The following ARSI variants were observed in gnomAD, a reference collection of about 807,000 sequenced individuals.
The protein encoded by ARSI is arylsulfatase family member I.
Under a neutral mutation model 42.1 loss-of-function variants are expected in ARSI, and 37 were observed. The ratio of observed to expected loss-of-function variants is 0.88; its 90% CI spans 0.68 to 1.16. The LOEUF is 1.16. Among genes scored for constraint, ARSI ranks in the 50% most tolerant of loss-of-function variants. The probability of loss-of-function intolerance (pLI) is 0.00; values close to 1 mark genes in which losing one functional copy is unlikely to be tolerated. For missense variants in ARSI, 725 were observed against 790.1 expected (o/e 0.92, Z 0.99); for synonymous variants, 305 against 320.3 (o/e 0.95, Z 0.51).
intron 1 of ARSI, among the ~76,000 whole-genome samples, chr5:150,300,728 C>T (rs530001970): frequency 2.0e-4 from 30 of 152,338 alleles, no homozygotes; most frequent in Admixed American, 6.5e-5. Flanking sequence ...CAGTTAGCTT[C>T]GCAGATCAGG....
chr5:150,302,321 A>G lies in ARSI; in HGVS notation c.53T>C (p.Leu18Pro). 6.3e-7 allele frequency: 1 copy of G among 1,583,208 alleles called. No individual in the cohort carries two copies. The highest frequency in any genetic ancestry group is 2.3e-5 in the East Asian group (1 of 44,022). The change falls in exon 1 of 2, where the codon CTG becomes CCG. Residue 18 changes from leucine (L) to proline (P), a missense_variant. By Grantham distance (98) the Leu-to-Pro change is moderately conservative. Transcript: ENST00000328668. The surrounding 1 kb of genome is among the most constrained non-coding windows in gnomAD (Gnocchi z 6.1). Reference protein sequence around the residue: ...SLVSLLSFGYLSWDWAKPSFV... With the variant: ...SLVSLLSFGYPSWDWAKPSFV... ...GCTCGGCTTGGCCCAGTCCCAGGAC[A>G]GGTAGCCGAAGCTGAGCAGGCTGAC...
chr5:150,301,509 T>A lies in ARSI; in HGVS notation c.311+554A>T, dbSNP rs916059776. The stretch of plus-strand genomic sequence containing the variant: ...TACACAGGTCATGGTATCCTATGTG[T>A]CTTTCTCTTCCACCTATCAATTCCT... On this transcript the variant is annotated intron_variant, in intron 1 of 1. Coordinates refer to ENST00000328668, the MANE Select transcript of ARSI (RefSeq NM_001012301.4). Among the ~76,000 whole-genome samples the A allele has an allele frequency of 3.3e-5, 5 of 152,334 alleles. No homozygotes were observed. The East Asian group carries it at 9.6e-4, about 29-fold the overall frequency.
chr5:150,302,412 T>G lies in ARSI; in HGVS notation c.-39A>C. 7.2e-7 allele frequency: 1 copy of G among 1,393,852 alleles called. No individual in the cohort carries two copies. Among genetic ancestry groups the G allele is most frequent in the South Asian group, 1.7e-5 (1 of 60,350 alleles). 86.3% of individuals were successfully genotyped at this position (1,393,852 alleles called of 1,614,324 possible). A position where few individuals can be genotyped will look rare whatever the true frequency, so the allele number is the denominator to read the frequency against. Reference sequence around the variant, plus strand: ...CGCGCGTCCCGGCGCGCCGGGCTCCTGGGGCCTCACCACCTCGCGCGCCCA... The same window carrying G: ...CGCGCGTCCCGGCGCGCCGGGCTCCGGGGGCCTCACCACCTCGCGCGCCCA... On this transcript the variant is annotated 5_prime_UTR_variant, in exon 1 of 2. Transcript: ENST00000328668. The surrounding 1 kb of genome is among the most constrained non-coding windows in gnomAD (Gnocchi z 6.1).
chr5:150,301,742 C>T (rs146414109), intron 1 of ARSI, among the ~76,000 whole-genome samples: 2 of 152,192 alleles, frequency 1.3e-5, no homozygotes, highest in African/African-American at 4.8e-5. Context: ...CTCAGGGTCT[C>T]GGGGTCCATA....
At chr5:150,298,822 T>G (rs1390952570) in intron 1 of ARSI, among the ~76,000 whole-genome samples, 1 of 152,188 alleles carries the variant, frequency 6.6e-6, no homozygotes, top group African/African-American at 2.4e-5. Flanking sequence ...AAGTAGATCA[T>G]ATTGTCGTTT....
At chr5:150,299,835 C>T (rs1757890554) in intron 1 of ARSI, among the ~76,000 whole-genome samples, 1 of 152,134 alleles carries the variant, frequency 6.6e-6, no homozygotes, top group Admixed American at 6.5e-5. Context: ...CCTGTGAGCT[C>T]ATATGACCCC....
chr5:150,297,056 C>T lies in ARSI; in HGVS notation c.*158G>A. ...GGCATCCCAGTCTGGTTTATTCCCACCCACTCCTATCCAGGCTCCCTACCC... is the reference window on the plus strand; with the variant it reads ...GGCATCCCAGTCTGGTTTATTCCCATCCACTCCTATCCAGGCTCCCTACCC... On this transcript the variant is annotated 3_prime_UTR_variant, in exon 2 of 2. Transcript: ENST00000328668. This position sits in a 1 kb window ranked among gnomAD's most constrained non-coding sequence, Gnocchi z 7.0. The T allele has an allele frequency of 1.4e-6, 1 of 730,930 alleles. No individual in the cohort carries two copies. Among genetic ancestry groups the T allele is most frequent in the Middle Eastern group, 3.4e-4 (1 of 2,948 alleles). The allele number at this position is 730,930 out of a possible 1,614,324, so 45.3% of individuals were successfully genotyped here.
intron 1 of ARSI, 100 bp downstream of exon 1, chr5:150,301,963 T>C (rs1370602959): frequency 1.5e-6 from 2 of 1,294,968 alleles, no homozygotes; most frequent in Non-Finnish European, 2.1e-6. Context: ...ACAGGAGATT[T>C]CCCAGATCCC....
Position 150,298,461 on chromosome 5 carries a change from T to A in ARSI, c.463A>T (p.Lys155Ter), listed in dbSNP as rs1471346764. Residue 155 changes from lysine (K) to a stop codon, truncating the protein, a stop_gained, in exon 2 of 2, where the codon AAG becomes TAG. Coordinates refer to ENST00000328668, the MANE Select transcript of ARSI (RefSeq NM_001012301.4). LOFTEE classifies it high-confidence loss of function. ...CCCCGACGGGTGGGCAGACACTCCT[T>A]CCGGTAGAAGCCCAGGTGCCACTTG... ...VGKWHLGFYRKECLPTRRGFD... is the reference protein window; with the variant it reads ...VGKWHLGFYR The A allele has an allele frequency of 6.2e-7, 1 of 1,614,072 alleles. No homozygotes were observed. The highest frequency in any genetic ancestry group is 1.3e-5 in the African/African-American group (1 of 74,926).
At position 150,297,699 on chromosome 5, in the gene ARSI, C is replaced by T; in HGVS notation, c.1225G>A (p.Gly409Ser). ...AQHGSLEGGF[G>S]IWNTAVQAAI... ...GCCTGCACGGCGGTGTTCCAGATGC[C>T]AAAGCCGCCCTCCAGGGAGCCATGC... The change falls in exon 2 of 2, where the codon GGC becomes AGC. Residue 409 changes from glycine to serine, a missense_variant. Physicochemically the swap from Gly to Ser is moderately conservative, Grantham distance 56. Transcript: ENST00000328668. The surrounding 1 kb of genome is among the most constrained non-coding windows in gnomAD (Gnocchi z 7.0). 6.2e-7 allele frequency: 1 copy of T among 1,613,422 alleles called. No homozygotes were observed. The highest frequency in any genetic ancestry group is 1.1e-5 in the South Asian group (1 of 91,056).
At chr5:150,301,951 C>T (rs981586416) in intron 1 of ARSI, 112 bp downstream of exon 1, 3 of 1,186,154 alleles carry the variant, frequency 2.5e-6, no homozygotes, top group African/African-American at 3.1e-5. Context: ...ATTACACAGC[C>T]AACAGGAGAT....
At position 150,298,103 on chromosome 5, in the gene ARSI, A is replaced by T. The variant is rs1757851039; in HGVS notation, c.821T>A (p.Val274Glu). ...AAMVTCMDEA[V>E]RNITWALKRY... Reference sequence around the variant, plus strand: ...CTTGAGGGCCCAGGTGATGTTGCGCACAGCCTCATCCATGCAGGTCACCAT... The same window carrying T: ...CTTGAGGGCCCAGGTGATGTTGCGCTCAGCCTCATCCATGCAGGTCACCAT... Residue 274 changes from valine (V) to glutamate (E), a missense_variant, in exon 2 of 2, where the codon GTG (valine) becomes GAG (glutamate). Val to Glu is a moderately radical substitution (Grantham distance 121, BLOSUM62 -2). Transcript: ENST00000328668. The T allele has an allele frequency of 6.2e-7, 1 of 1,613,444 alleles. No individual in the cohort carries two copies. Among genetic ancestry groups the T allele is most frequent in the Non-Finnish European group, 8.5e-7 (1 of 1,180,036 alleles).
rs1757942143 is a variant in ARSI, at chr5:150,302,596, C to T, written c.-223G>A. On this transcript the variant is annotated 5_prime_UTR_variant, in exon 1 of 2. Transcript: ENST00000328668. The surrounding 1 kb of genome is among the most constrained non-coding windows in gnomAD (Gnocchi z 6.1). ...GGGAGGTCAGGCCCGCGCCGAGCTG[C>T]CTCCCGCTGCCTAAGCGCAGGCCCT... 5.3e-6 allele frequency: 2 copies of T among 379,486 alleles called. No homozygotes were observed. Among genetic ancestry groups the T allele is most frequent in the Non-Finnish European group, 9.3e-6 (2 of 215,904 alleles). The allele number at this position is 379,486 out of a possible 1,614,324, so 23.5% of individuals were successfully genotyped here.
Position 150,296,907 on chromosome 5 carries a change from G to A in ARSI, c.*307C>T. The A allele has an allele frequency of 4.2e-6, 1 of 235,776 alleles. No individual in the cohort carries two copies. Among genetic ancestry groups the A allele is most frequent in the East Asian group, 9.5e-5 (1 of 10,540 alleles). The allele number at this position is 235,776 out of a possible 1,614,324, so 14.6% of individuals were successfully genotyped here. ...CTCCACCGTGGCCCCAGGCTCCAGG[G>A]CCACACCAAAGAGTCACAAAGTCAT... On this transcript the variant is annotated 3_prime_UTR_variant, in exon 2 of 2. Transcript: ENST00000328668.
At position 150,302,293 on chromosome 5, in the gene ARSI, G is replaced by A. The variant is rs769836000; in HGVS notation, c.81C>T (p.Phe27=). The change falls in exon 1 of 2, where the codon TTC becomes TTT. Residue 27 remains phenylalanine, a synonymous_variant. Transcript: ENST00000328668. The surrounding 1 kb of genome is among the most constrained non-coding windows in gnomAD (Gnocchi z 6.1). ...YLSWDWAKPS[F]VADGPGEAGE... ...CAGCCTCCCCGGGCCCGTCGGCCAC[G>A]AAGCTCGGCTTGGCCCAGTCCCAGG... 6.2e-7 allele frequency: 1 copy of A among 1,603,452 alleles called. No homozygotes were observed. The highest frequency in any genetic ancestry group is 1.3e-5 in the African/African-American group (1 of 74,804).
chr5:150,297,027 C>A lies in ARSI; in HGVS notation c.*187G>T. The A allele has an allele frequency of 1.8e-6, 1 of 565,500 alleles. No individual in the cohort carries two copies. The highest frequency in any genetic ancestry group is 3.0e-6 in the Non-Finnish European group (1 of 337,780). The allele number at this position is 565,500 out of a possible 1,614,324, so 35.0% of individuals were successfully genotyped here. A position where few individuals can be genotyped will look rare whatever the true frequency, so the allele number is the denominator to read the frequency against. ...AGTCCGTGAGGAGGCAGGACTGAGA[C>A]ACAGGCATCCCAGTCTGGTTTATTC... On this transcript the variant is annotated 3_prime_UTR_variant, in exon 2 of 2. Transcript: ENST00000328668. The surrounding 1 kb of genome is among the most constrained non-coding windows in gnomAD (Gnocchi z 7.0).
rs200094232 is a variant in ARSI, at chr5:150,297,730, A to T, written c.1194T>A (p.His398Gln). The change falls in exon 2 of 2, where the codon CAT becomes CAA. Residue 398 changes from histidine to glutamine, a missense_variant. Physicochemically the swap from His to Gln is conservative, Grantham distance 24. Coordinates refer to ENST00000328668, the MANE Select transcript of ARSI (RefSeq NM_001012301.4). This position sits in a 1 kb window ranked among gnomAD's most constrained non-coding sequence, Gnocchi z 7.0. ...CGCCCTCCAGGGAGCCATGCTGGGC[A>T]TGGTTGTAGAGTGGGTCAATGTTGT... ...ILHNIDPLYN[H>Q]AQHGSLEGGF... The T allele has an allele frequency of 1.2e-6, 2 of 1,612,956 alleles. No individual in the cohort carries two copies. Among genetic ancestry groups the T allele is most frequent in the Admixed American group, 3.3e-5 (2 of 60,002 alleles).
intron 1 of ARSI, among the ~76,000 whole-genome samples, 180 bp from the exon 2 acceptor site, chr5:150,298,792 C>T (rs1277367532): frequency 2.6e-5 from 4 of 152,122 alleles, no homozygotes; most frequent in Non-Finnish European, 5.9e-5. Context: ...ATTATCTCAT[C>T]GAATCCTCAA....
Position 150,298,261 on chromosome 5 carries a change from G to T in ARSI, c.663C>A (p.Ala221=), listed in dbSNP as rs754043231. ...AGAGGGGACGCTGAGGGCTGTGGCT[G>T]GCCAGGATATGGCTGGCGCGCTGGG... ...LYAQRASHIL[A]SHSPQRPLFL... is the part of the protein sequence containing the mutation. The change falls in exon 2 of 2, where the codon GCC becomes GCA. Residue 221 remains alanine (A), a synonymous_variant. Coordinates refer to ENST00000328668, the MANE Select transcript of ARSI (RefSeq NM_001012301.4). 8.7e-6 allele frequency: 14 copies of T among 1,613,892 alleles called. 1 individual carries two copies. The South Asian group carries it at 1.3e-4, about 15-fold the overall frequency.
Sources: allele counts gnomAD v4.1 joint callset (sites outside exome capture counted in the v4.1 genomes callset), GRCh38; gene constraint gnomAD v4.1.1; non-coding constraint Gnocchi (gnomAD v3.1); transcripts MANE v1.5; gene names NCBI Gene and HGNC (gene_info 2026-07-23, HGNC 2026-07-21).